The following MARK3 variants were observed in gnomAD, a reference collection of about 807,000 sequenced individuals.
The protein encoded by MARK3 is MAP/microtubule affinity-regulating kinase 3.
Under a neutral mutation model 90.1 loss-of-function variants are expected in MARK3, and 46 were observed. That is an observed-to-expected ratio of 0.51 (90% confidence interval 0.40 to 0.65). The LOEUF is 0.65. MARK3 is among the 30% of genes least tolerant of loss of function. The probability of loss-of-function intolerance (pLI) is 0.00; values close to 1 mark genes in which losing one functional copy is unlikely to be tolerated. For synonymous variants in MARK3, 321 were observed against 332.6 expected (o/e 0.97, Z 0.38); for missense variants, 818 against 947.2 (o/e 0.86, Z 1.79).
At chr14:103,477,730 A>G (rs1489442186) in intron 13 of MARK3, among the ~76,000 whole-genome samples, 6 of 152,100 alleles carry the variant, frequency 3.9e-5, no homozygotes, top group Non-Finnish European at 7.4e-5. Context: ...TAACCCCTAT[A>G]ATCTCAGCGC....
At chr14:103,459,285 C>T (rs2093345955) in intron 6 of MARK3, among the ~76,000 whole-genome samples, 1 of 152,100 alleles carries the variant, frequency 6.6e-6, no homozygotes, top group South Asian at 2.1e-4. Flanking sequence ...TTGTAAATTC[C>T]CTGCAGAAAT....
Position 103,503,038 on chromosome 14 carries a change from G to A in MARK3, c.2073G>A (p.Glu691=). 1 of 1,614,252 alleles carries A rather than the reference G, an allele frequency of 6.2e-7. No homozygotes were observed. The highest frequency in any genetic ancestry group is 8.5e-7 in the Non-Finnish European group (1 of 1,180,054). The stretch of plus-strand genomic sequence containing the variant: ...TGGACGCCAATAACTGCGACTATGA[G>A]CAGAGGGAGCGCTTCTTGCTCTTCT... ...KVLDANNCDY[E]QRERFLLFCV... Residue 691 remains glutamate (E), a synonymous_variant, in exon 18 of 18, where the codon GAG becomes GAA. Coordinates refer to ENST00000429436, the MANE Select transcript of MARK3 (RefSeq NM_001128918.3).
chr14:103,476,900 T>G lies in MARK3; in HGVS notation c.1482+1690T>G, dbSNP rs143151843. ...TACAGTAGGATTATTGTTTCCATAC[T>G]CCTGCAGTTAAAATTCCGTCTCCAA... On this transcript the variant is annotated intron_variant, in intron 13 of 17. Transcript: ENST00000429436. 2.7e-3 allele frequency among the ~76,000 whole-genome samples: 415 copies of G among 152,316 alleles called. 2 individuals carry two copies. Among genetic ancestry groups the G allele is most frequent in the African/African-American group, 9.5e-3 (397 of 41,574 alleles).
At chr14:103,482,729 T>G (rs1452456426) in intron 14 of MARK3, among the ~76,000 whole-genome samples, 3 of 152,122 alleles carry the variant, frequency 2.0e-5, no homozygotes, top group African/African-American at 7.2e-5. Flanking sequence ...GTCTTCTGAT[T>G]CTCTTTTCCT....
intron 14 of MARK3, chr14:103,489,981 TA>T (rs2093989679): frequency 6.6e-6 from 1 of 152,172 alleles, no homozygotes; most frequent in African/African-American, 2.4e-5. Context: ...TATCTTGGAG[TA>T]AATGTCCTTT....
chr14:103,463,311 T>G (rs183007861), intron 7 of MARK3, among the ~76,000 whole-genome samples: 224 of 152,260 alleles, frequency 1.5e-3, no homozygotes, highest in African/African-American at 5.2e-3. Flanking sequence ...TTGACTTGCT[T>G]GTTCTCTGCA....
In MARK3 at chr14:103,503,114, G is replaced by C. The variant is rs778283716; in HGVS notation, c.2149G>C (p.Val717Leu). The stretch of plus-strand genomic sequence containing the variant: ...GAACCTCGTGCAGTGGGAAATGGAA[G>C]TGTGCAAGCTGCCAAGACTGTCTCT... ...AENLVQWEMEVCKLPRLSLNG... is the reference protein window; with the variant it reads ...AENLVQWEMELCKLPRLSLNG... The change falls in exon 18 of 18, where the codon GTG (valine) becomes CTG (leucine). Residue 717 changes from valine to leucine, a missense_variant. By Grantham distance (32) the Val-to-Leu change is conservative (BLOSUM62 1). Transcript: ENST00000429436. The C allele has an allele frequency of 6.2e-7, 1 of 1,614,234 alleles. No individual in the cohort carries two copies. Among genetic ancestry groups the C allele is most frequent in the South Asian group, 1.1e-5 (1 of 91,074 alleles).
intron 2 of MARK3, among the ~76,000 whole-genome samples, chr14:103,420,419 C>A (rs933181728): frequency 1.3e-5 from 2 of 151,960 alleles, no homozygotes; most frequent in African/African-American, 4.8e-5. Flanking sequence ...TCTACAGAGA[C>A]AAAGCATCCC....
At chr14:103,434,259 T>C (rs1215017044) in intron 3 of MARK3, among the ~76,000 whole-genome samples, 1 of 152,200 alleles carries the variant, frequency 6.6e-6, no homozygotes, top group African/African-American at 2.4e-5. Flanking sequence ...CTGCCAATTT[T>C]AACCAAGTTG....
Position 103,503,407 on chromosome 14 carries a change from T to A in MARK3, c.*180T>A. ...CCTTTTTTCTACGAATGCACTACAT[T>A]AAAGATGTGCAACCTATGCGCCCCC... On this transcript the variant is annotated 3_prime_UTR_variant, in exon 18 of 18. Transcript: ENST00000429436. 1 of 620,952 alleles carries A rather than the reference T, an allele frequency of 1.6e-6. No individual in the cohort carries two copies. The highest frequency in any genetic ancestry group is 2.8e-6 in the Non-Finnish European group (1 of 361,450). The allele number at this position is 620,952 out of a possible 1,614,324, so 38.5% of individuals were successfully genotyped here.
At position 103,474,982 on chromosome 14, in the gene MARK3, C is replaced by A. The variant is rs765867987; in HGVS notation, c.1265-11C>A. 1 of 1,601,706 alleles carries A rather than the reference C, an allele frequency of 6.2e-7. No individual in the cohort carries two copies. Among genetic ancestry groups the A allele is most frequent in the Admixed American group, 1.7e-5 (1 of 59,516 alleles). On this transcript the variant is annotated splice_polypyrimidine_tract_variant and intron_variant, in intron 12 of 17. Coordinates refer to ENST00000429436, the MANE Select transcript of MARK3 (RefSeq NM_001128918.3). ...TATTCAGTCATTTAAAAAATGAACTCTTTATTTTAGCTGGACCAGCTATTC... is the reference window on the plus strand; with the variant it reads ...TATTCAGTCATTTAAAAAATGAACTATTTATTTTAGCTGGACCAGCTATTC...
At chr14:103,434,392 C>G (rs2092666131) in intron 3 of MARK3, among the ~76,000 whole-genome samples, 1 of 152,154 alleles carries the variant, frequency 6.6e-6, no homozygotes, top group Non-Finnish European at 1.5e-5. Flanking sequence ...TGCAAGTTAC[C>G]CACAGAAGCT....
intron 2 of MARK3, among the ~76,000 whole-genome samples, chr14:103,427,527 G>T (rs1424987399): frequency 8.2e-6 from 1 of 121,380 alleles, no homozygotes; most frequent in Non-Finnish European, 1.8e-5. Context: ...ACAAAAGAAT[G>T]GCTGCTCCAT....
At position 103,446,710 on chromosome 14, in the gene MARK3, C is replaced by CTTTT. The variant is rs746523547; in HGVS notation, c.298-2187_298-2184dup. 1.3e-3 allele frequency among the ~76,000 whole-genome samples: 131 copies of CTTTT among 98,044 alleles called. 5 individuals carry two copies. The highest frequency in any genetic ancestry group is 3.7e-3 in the African/African-American group (70 of 18,798). The allele number at this position is 98,044 out of a possible 152,430, so 64.3% of individuals were successfully genotyped here. ...TGGCATCCAAAGTGGAGATTGTTGT[C>CTTTT]TTTTTTTTTTTTTTTTTTTTTTTTT... On this transcript the variant is annotated intron_variant, in intron 3 of 17. Coordinates refer to ENST00000429436, the MANE Select transcript of MARK3 (RefSeq NM_001128918.3).
intron 6 of MARK3, 81 bp from the exon 7 acceptor site, chr14:103,462,324 G>A: frequency 1.0e-6 from 1 of 1,000,244 alleles, no homozygotes; most frequent in Non-Finnish European, 1.6e-6. Context: ...TATTCATTAT[G>A]TGTGAACATT....
At chr14:103,461,305 A>G (rs374799502) in intron 6 of MARK3, among the ~76,000 whole-genome samples, 6 of 152,356 alleles carry the variant, frequency 3.9e-5, no homozygotes, top group African/African-American at 9.6e-5. Context: ...ATATATTTCT[A>G]TAGACTTTTC....
intron 2 of MARK3, among the ~76,000 whole-genome samples, chr14:103,406,174 G>T (rs1190349594): frequency 6.6e-6 from 1 of 151,916 alleles, no homozygotes; most frequent in Non-Finnish European, 1.5e-5. Context: ...GGGATTACAG[G>T]CATGAGCCAC....
intron 2 of MARK3, among the ~76,000 whole-genome samples, chr14:103,422,311 C>T (rs962939090): frequency 4.6e-5 from 7 of 152,154 alleles, no homozygotes; most frequent in African/African-American, 1.7e-4. Context: ...CAAAAATTAG[C>T]TGGGCATGGT....
Position 103,412,897 on chromosome 14 carries a change from G to A in MARK3, c.243+7630G>A, listed in dbSNP as rs113475607. On this transcript the variant is annotated intron_variant, in intron 2 of 17. Coordinates refer to ENST00000429436, the MANE Select transcript of MARK3 (RefSeq NM_001128918.3). ...TTTCTTTCTTTTTTTTTTTTGAGAC[G>A]GAATTTCGCTCTTGTTGCCCAGGCT... The A allele has an allele frequency of 1.1e-3, 355 of 322,630 alleles. 3 individuals are homozygous for A. Among genetic ancestry groups the A allele is most frequent in the African/African-American group, 7.2e-3 (318 of 44,120 alleles). 20.0% of individuals were successfully genotyped at this position (322,630 alleles called of 1,614,324 possible). A position where few individuals can be genotyped will look rare whatever the true frequency, so the allele number is the denominator to read the frequency against.
Sources: gnomAD v4.1 joint callset for allele counts (sites outside exome capture counted in the v4.1 genomes callset) on GRCh38, gnomAD v4.1.1 for gene constraint, MANE v1.5 for transcripts, NCBI Gene and HGNC (gene_info 2026-07-23, HGNC 2026-07-21) for gene names.